The following LRRTM4 variants were observed in gnomAD, a reference collection of about 807,000 sequenced individuals.
LRRTM4 encodes leucine rich repeat transmembrane neuronal 4.
A neutral mutation model predicts 47.6 loss-of-function variants in LRRTM4; 25 were observed. The ratio of observed to expected loss-of-function variants is 0.53; its 90% CI spans 0.38 to 0.73. The LOEUF (loss-of-function observed/expected upper bound fraction) is 0.73, where lower values mean the gene tolerates loss of function less well. LRRTM4 is among the 30% of genes least tolerant of loss of function. The pLI is 0.00. For missense variants in LRRTM4, 638 were observed against 713.4 expected (o/e 0.89, Z 1.20); for synonymous variants, 311 against 269.5 (o/e 1.15, Z -1.51).
chr2:77,401,396 C>T (rs1029586219), intron 3 of LRRTM4, among the ~76,000 whole-genome samples: 3 of 151,906 alleles, frequency 2.0e-5, no homozygotes, highest in African/African-American at 7.2e-5. Context: ...AAAATTGCAT[C>T]CCTGTTTTCT....
intron 3 of LRRTM4, among the ~76,000 whole-genome samples, chr2:76,779,668 A>G (rs1203807312): frequency 1.3e-5 from 2 of 151,470 alleles, no homozygotes; most frequent in East Asian, 1.9e-4. Context: ...TGCACGTGAG[A>G]TGGGTTTCCT....
At chr2:77,182,382 C>T (rs946115259) in intron 3 of LRRTM4, among the ~76,000 whole-genome samples, 6 of 151,976 alleles carry the variant, frequency 3.9e-5, no homozygotes, top group African/African-American at 1.5e-4. Context: ...AATGAGAACA[C>T]ATGGACACAG....
intron 3 of LRRTM4, among the ~76,000 whole-genome samples, chr2:76,897,663 C>G (rs191856747): frequency 3.9e-5 from 6 of 152,206 alleles, no homozygotes; most frequent in African/African-American, 1.2e-4. Flanking sequence ...ATTAATACAA[C>G]TAAAAGGTAA....
intron 3 of LRRTM4, among the ~76,000 whole-genome samples, chr2:77,498,866 G>C (rs1239162065): frequency 6.6e-6 from 1 of 151,802 alleles, no homozygotes; most frequent in Non-Finnish European, 1.5e-5. Flanking sequence ...ATGCCACTTT[G>C]TTAAATGCCT....
At chr2:76,758,299 A>G (rs73940043) in intron 3 of LRRTM4, among the ~76,000 whole-genome samples, 110 of 152,324 alleles carry the variant, frequency 7.2e-4, no homozygotes, top group African/African-American at 2.6e-3. Context: ...TGAAATTCAC[A>G]TGTAAGTGAA....
intron 3 of LRRTM4, chr2:77,518,023 T>C: frequency 1.8e-6 from 2 of 1,117,214 alleles, no homozygotes; most frequent in Non-Finnish European, 2.2e-6. Flanking sequence ...TGTATGTGTG[T>C]TTTTAAGTCC....
chr2:77,224,481 C>A (rs1674742734), intron 3 of LRRTM4, among the ~76,000 whole-genome samples: 1 of 152,096 alleles, frequency 6.6e-6, no homozygotes, highest in African/African-American at 2.4e-5. Context: ...GGCTAATATC[C>A]AGAATCTACA....
At chr2:76,897,194 T>C (rs1322367806) in intron 3 of LRRTM4, among the ~76,000 whole-genome samples, 1 of 152,138 alleles carries the variant, frequency 6.6e-6, no homozygotes, top group Non-Finnish European at 1.5e-5. Context: ...GTTTGCCCCG[T>C]GCAGAGTAGG....
intron 3 of LRRTM4, among the ~76,000 whole-genome samples, chr2:77,295,111 T>C (rs2104142646): frequency 6.6e-6 from 1 of 152,326 alleles, no homozygotes; most frequent in South Asian, 2.1e-4. Flanking sequence ...GTGCTTATAT[T>C]ACTGCACTTG....
chr2:77,491,121 C>T (rs1354137182), intron 3 of LRRTM4, among the ~76,000 whole-genome samples: 1 of 151,692 alleles, frequency 6.6e-6, no homozygotes. Flanking sequence ...AGAAGATATA[C>T]AAGGGATTTG....
intron 3 of LRRTM4, among the ~76,000 whole-genome samples, chr2:76,978,480 A>T (rs1002546662): frequency 6.6e-6 from 1 of 152,048 alleles, no homozygotes; most frequent in Non-Finnish European, 1.5e-5. Flanking sequence ...CTGCAATTCA[A>T]ATGCTCACTA....
intron 3 of LRRTM4, among the ~76,000 whole-genome samples, chr2:77,368,172 A>C (rs1672528703): frequency 6.6e-6 from 1 of 151,760 alleles, no homozygotes; most frequent in East Asian, 1.9e-4. Context: ...TCTCTCATCC[A>C]GGAACAGGTG....
At chr2:77,452,124 T>C (rs1676278594) in intron 3 of LRRTM4, among the ~76,000 whole-genome samples, 6 of 152,070 alleles carry the variant, frequency 3.9e-5, no homozygotes, top group Admixed American at 3.3e-4. Flanking sequence ...CATCAAAGGT[T>C]TTAATTAGAG....
At chr2:77,213,392 T>C (rs13022425) in intron 3 of LRRTM4, among the ~76,000 whole-genome samples, 69,196 of 151,890 alleles carry the variant, frequency 0.46, 17,454 homozygotes, top group Non-Finnish European at 0.56. Flanking sequence ...TTAACCCCTA[T>C]GGGCCTTAGA....
At chr2:77,267,823 A>T (rs1316985957) in intron 3 of LRRTM4, among the ~76,000 whole-genome samples, 1 of 139,406 alleles carries the variant, frequency 7.2e-6, no homozygotes, top group Non-Finnish European at 1.6e-5. Context: ...TTTAAATGAG[A>T]AAAGGTCTTA....
At chr2:76,984,769 C>T (rs1451673970) in intron 3 of LRRTM4, among the ~76,000 whole-genome samples, 1 of 152,016 alleles carries the variant, frequency 6.6e-6, no homozygotes, top group Non-Finnish European at 1.5e-5. Context: ...TAAACTCCTA[C>T]TTGTTTAAGC....
chr2:77,154,998 A>G (rs1672520861), intron 3 of LRRTM4, among the ~76,000 whole-genome samples: 1 of 152,166 alleles, frequency 6.6e-6, no homozygotes, highest in African/African-American at 2.4e-5. Context: ...CTAACTGTCA[A>G]TTTTAGTATA....
At chr2:77,303,493 G>GT (rs1285133592) in intron 3 of LRRTM4, among the ~76,000 whole-genome samples, 4 of 152,196 alleles carry the variant, frequency 2.6e-5, no homozygotes, top group African/African-American at 9.6e-5. Context: ...ATTACTTTAA[G>GT]TGGTGAGTCT....
intron 3 of LRRTM4, among the ~76,000 whole-genome samples, chr2:76,975,375 T>A (rs1437154638): frequency 6.6e-6 from 1 of 151,318 alleles, no homozygotes; most frequent in African/African-American, 2.4e-5. Context: ...ATAAATGAAA[T>A]TCATTCTTCT....
Sources: gnomAD v4.1 joint callset for allele counts (sites outside exome capture counted in the v4.1 genomes callset) on GRCh38, gnomAD v4.1.1 for gene constraint, MANE v1.5 for transcripts, NCBI Gene and HGNC (gene_info 2026-07-23, HGNC 2026-07-21) for gene names.